PLPP2: variants seen among roughly 807,000 people sequenced by gnomAD.
PLPP2 encodes PAP2-gamma.
PLPP2 carries 29 observed loss-of-function variants against 35.2 expected under a neutral mutation model. The ratio of observed to expected loss-of-function variants is 0.82; its 90% confidence interval spans 0.61 to 1.12. The LOEUF is 1.12. PLPP2 is among the 50% of genes most tolerant of loss of function. The pLI, the probability that PLPP2 is intolerant of heterozygous loss-of-function variation, is 0.00. For missense variants in PLPP2, 353 were observed against 375.2 expected (o/e 0.94, Z 0.49); for synonymous variants, 162 against 167.0 (o/e 0.97, Z 0.23).
intron 1 of PLPP2, among the ~76,000 whole-genome samples, chr19:289,234 G>T (rs1970333898): frequency 6.6e-6 from 1 of 152,212 alleles, no homozygotes; most frequent in Non-Finnish European, 1.5e-5. Context: ...CTTTGGCCCA[G>T]CAGGGCAAGT....
In PLPP2 at chr19:291,234, G is replaced by C. The variant is rs773700477; in HGVS notation, c.52+51C>G. ...TGCAAACTTGCGCGCAGCCGGGGGCGTGTCCGTCCCGGGAGGGTCCCCCCA... is the reference window on the plus strand; with the variant it reads ...TGCAAACTTGCGCGCAGCCGGGGGCCTGTCCGTCCCGGGAGGGTCCCCCCA... On this transcript the variant is annotated intron_variant, in intron 1 of 5. Transcript: ENST00000434325. The C allele has an allele frequency of 1.4e-5, 23 of 1,594,774 alleles. No homozygotes were observed. The South Asian group carries it at 2.2e-4, about 16-fold the overall frequency.
At chr19:291,068 C>A in intron 1 of PLPP2, 1 of 1,314,148 alleles carries the variant, frequency 7.6e-7, no homozygotes, top group Non-Finnish European at 9.7e-7. Flanking sequence ...GACCCCCATC[C>A]CCCTGGGCCT....
In PLPP2 at chr19:287,654, GTCCC is replaced by G; in HGVS notation, c.298_301del (p.Gly100ProfsTer8). ...GCTCACGGCAGCCCCAAACAGGAAG[GTCCC>G]CAGCACCTTGTATACAGCAGCCACG... On this transcript the variant is annotated frameshift_variant, in exon 3 of 6. Transcript: ENST00000434325. LOFTEE classifies it high-confidence loss of function. This position sits in a 1 kb window ranked among gnomAD's most constrained non-coding sequence, Gnocchi z 4.3. 3 of 1,613,910 alleles carry G rather than the reference GTCCC, an allele frequency of 1.9e-6. No individual in the cohort carries two copies. Among genetic ancestry groups the G allele is most frequent in the Non-Finnish European group, 2.5e-6 (3 of 1,180,036 alleles).
rs764999808 is a variant in PLPP2, at chr19:287,556, C to T, written c.400G>A (p.Asp134Asn). 1.6e-5 allele frequency: 26 copies of T among 1,613,634 alleles called. No individual in the cohort carries two copies. Among genetic ancestry groups the T allele is most frequent in the South Asian group, 4.4e-5 (4 of 91,062 alleles). The change falls in exon 3 of 6, where the codon GAC (aspartate) becomes AAC (asparagine). Residue 134 changes from aspartate to asparagine, a missense_variant. Transcript: ENST00000434325. This position sits in a 1 kb window ranked among gnomAD's most constrained non-coding sequence, Gnocchi z 4.3. ...RPNFLAVCDP[D>N]WSRVNCSVYV... ...ACCGAGCAGTTGACCCGGCTCCAGTCGGGGTCGCAGACGGCTAGGAAGTTG... is the reference window on the plus strand; with the variant it reads ...ACCGAGCAGTTGACCCGGCTCCAGTTGGGGTCGCAGACGGCTAGGAAGTTG...
At chr19:289,595 C>T (rs770079881) in intron 1 of PLPP2, among the ~76,000 whole-genome samples, 5 of 152,020 alleles carry the variant, frequency 3.3e-5, no homozygotes, top group Non-Finnish European at 7.4e-5. Context: ...CCCAGCTCCT[C>T]GGGAGGCTGA....
chr19:282,611 TC>T (rs1316136535), intron 4 of PLPP2, 140 bp downstream of exon 4: 1 of 959,664 alleles, frequency 1.0e-6, no homozygotes, highest in African/African-American at 1.7e-5. Flanking sequence ...GCCCAGGGCC[TC>T]CCGTTTTTAT....
rs751152484 is a variant in PLPP2, at chr19:290,982, G to A, written c.52+303C>T. On this transcript the variant is annotated intron_variant, in intron 1 of 5. Coordinates refer to ENST00000434325, the MANE Select transcript of PLPP2 (RefSeq NM_003712.4). ...AGGCCAGGCGGGGCGGGATGGAGGC[G>A]CGCGCGCGGCCCCTCCGCACAGACT... is the stretch of plus-strand genomic sequence containing the variant. 6 of 1,249,374 alleles carry A rather than the reference G, an allele frequency of 4.8e-6. No homozygotes were observed. In the South Asian group the frequency reaches 1.7e-4, roughly 36 times the overall value. The allele number at this position is 1,249,374 out of a possible 1,614,324, so 77.4% of individuals were successfully genotyped here.
rs1000251000 is a variant in PLPP2, at chr19:281,547, C to T, written c.718-10G>A. The stretch of plus-strand genomic sequence containing the variant: ...CTGAGATGTAGCAGACCTGGTAGAG[C>T]AGAGGGTGGTGAGAATGGGCAGGGG... On this transcript the variant is annotated splice_polypyrimidine_tract_variant and intron_variant, in intron 5 of 5. Coordinates refer to ENST00000434325, the MANE Select transcript of PLPP2 (RefSeq NM_003712.4). 1.4e-6 allele frequency: 2 copies of T among 1,468,552 alleles called. No homozygotes were observed. The highest frequency in any genetic ancestry group is 1.4e-5 in the African/African-American group (1 of 70,484). The allele number at this position is 1,468,552 out of a possible 1,614,324, so 91.0% of individuals were successfully genotyped here.
chr19:288,470 T>C, intron 1 of PLPP2: 1 of 213,990 alleles, frequency 4.7e-6, no homozygotes, highest in Non-Finnish European at 9.2e-6. Context: ...TTTTTTTAAA[T>C]TTTTAAAAGT....
Position 281,419 on chromosome 19 carries a change from T to A in PLPP2, c.836A>T (p.Asn279Ile). ...GGAGGAGTGCGGGTATCCATAGTGGTTGTGGTCAGCCTCGCCCAGGGTCAA... is the reference window on the plus strand; with the variant it reads ...GGAGGAGTGCGGGTATCCATAGTGGATGTGGTCAGCCTCGCCCAGGGTCAA... ...LTLTLGEADH[N>I]HYGYPHSSS is the part of the protein sequence containing the mutation. The change falls in exon 6 of 6, where the codon AAC becomes ATC. Residue 279 changes from asparagine to isoleucine, a missense_variant. Asn to Ile is a moderately radical substitution (Grantham distance 149). Coordinates refer to ENST00000434325, the MANE Select transcript of PLPP2 (RefSeq NM_003712.4). The A allele has an allele frequency of 6.7e-7, 1 of 1,494,160 alleles. No individual in the cohort carries two copies. The highest frequency in any genetic ancestry group is 8.9e-7 in the Non-Finnish European group (1 of 1,119,052). The allele number at this position is 1,494,160 out of a possible 1,614,324, so 92.6% of individuals were successfully genotyped here.
In PLPP2 at chr19:281,255, G is replaced by A. The variant is rs753954171; in HGVS notation, c.*133C>T. ...TGCAGGGCAGGGGGCAGCGGAGCCC[G>A]CTCACTGCTCCCATCAGCCCAGGGT... On this transcript the variant is annotated 3_prime_UTR_variant, in exon 6 of 6. Coordinates refer to ENST00000434325, the MANE Select transcript of PLPP2 (RefSeq NM_003712.4). 19 of 890,134 alleles carry A rather than the reference G, an allele frequency of 2.1e-5. No individual in the cohort carries two copies. The highest frequency in any genetic ancestry group is 1.2e-4 in the African/African-American group (7 of 58,122). The allele number at this position is 890,134 out of a possible 1,614,324, so 55.1% of individuals were successfully genotyped here. A position where few individuals can be genotyped will look rare whatever the true frequency, so the allele number is the denominator to read the frequency against.
At chr19:286,953 C>G (rs1331426529) in intron 3 of PLPP2, 1 of 154,796 alleles carries the variant, frequency 6.5e-6, no homozygotes, top group African/African-American at 2.4e-5. Context: ...GAGTGAGCCT[C>G]TGTCTCAAAA....
chr19:287,856 A>T lies in PLPP2; in HGVS notation c.205-105T>A. 6.6e-7 allele frequency: 1 copy of T among 1,526,326 alleles called. No individual in the cohort carries two copies. The highest frequency in any genetic ancestry group is 8.8e-7 in the Non-Finnish European group (1 of 1,131,262). The allele number at this position is 1,526,326 out of a possible 1,614,324, so 94.5% of individuals were successfully genotyped here. A position where few individuals can be genotyped will look rare whatever the true frequency, so the allele number is the denominator to read the frequency against. On this transcript the variant is annotated intron_variant, in intron 2 of 5. Coordinates refer to ENST00000434325, the MANE Select transcript of PLPP2 (RefSeq NM_003712.4). The surrounding 1 kb of genome is among the most constrained non-coding windows in gnomAD (Gnocchi z 4.3). ...GCTGCTGGAGAGCTGGGGACTCTGA[A>T]GGGGGCCCTATTACCCACAGGTACC...
chr19:287,398 C>T lies in PLPP2; in HGVS notation c.482+76G>A. 1 of 1,532,918 alleles carries T rather than the reference C, an allele frequency of 6.5e-7. No homozygotes were observed. The allele number at this position is 1,532,918 out of a possible 1,614,324, so 95.0% of individuals were successfully genotyped here. A position where few individuals can be genotyped will look rare whatever the true frequency, so the allele number is the denominator to read the frequency against. On this transcript the variant is annotated intron_variant, in intron 3 of 5. Coordinates refer to ENST00000434325, the MANE Select transcript of PLPP2 (RefSeq NM_003712.4). This position sits in a 1 kb window ranked among gnomAD's most constrained non-coding sequence, Gnocchi z 4.3. ...GCCTGTAGTCTCAGCTGCCTGCTGG[C>T]TCTTCATGATTTGGCTCCAGGGCCT...
At chr19:290,823 A>C (rs1970375228) in intron 1 of PLPP2, 2 of 801,666 alleles carry the variant, frequency 2.5e-6, no homozygotes, top group African/African-American at 3.6e-5. Flanking sequence ...CCGCCGACGC[A>C]CCGGGTGCCA....
At chr19:290,668 G>A (rs1036571436) in intron 1 of PLPP2, among the ~76,000 whole-genome samples, 1 of 152,202 alleles carries the variant, frequency 6.6e-6, no homozygotes. Context: ...CCGCAAACCC[G>A]CCGGACAGGT....
Position 287,425 on chromosome 19 carries a change from C to A in PLPP2, c.482+49G>T. Reference sequence around the variant, plus strand: ...CTTCATGATTTGGCTCCAGGGCCTTCTTCAGCTCCCATTCCCCACAAGAGT... The same window carrying A: ...CTTCATGATTTGGCTCCAGGGCCTTATTCAGCTCCCATTCCCCACAAGAGT... On this transcript the variant is annotated intron_variant, in intron 3 of 5. Transcript: ENST00000434325. The surrounding 1 kb of genome is among the most constrained non-coding windows in gnomAD (Gnocchi z 4.3). 2 of 1,569,438 alleles carry A rather than the reference C, an allele frequency of 1.3e-6. No individual in the cohort carries two copies. Among genetic ancestry groups the A allele is most frequent in the Admixed American group, 1.7e-5 (1 of 57,716 alleles).
chr19:283,085 A>G (rs1032824867), intron 3 of PLPP2: 19 of 408,098 alleles, frequency 4.7e-5, no homozygotes, highest in African/African-American at 3.9e-4. Flanking sequence ...GCAAGCAGGC[A>G]ACACCACAGT....
chr19:288,127 T>C lies in PLPP2; in HGVS notation c.97A>G (p.Lys33Glu), dbSNP rs1032579315. ...AILTLVNAPY[K>E]RGFYCGDDSI... ...TCATCCCCGCAGTAAAATCCTCGCT[T>C]GTACGGGGCGTTCACCAGCGTCAGG... is the stretch of plus-strand genomic sequence containing the variant. The change falls in exon 2 of 6, where the codon AAG becomes GAG. Residue 33 changes from lysine to glutamate, a missense_variant. Transcript: ENST00000434325. The C allele has an allele frequency of 9.9e-6, 16 of 1,609,598 alleles. No homozygotes were observed. The highest frequency in any genetic ancestry group is 9.9e-5 in the South Asian group (9 of 90,830).
Sources: allele counts gnomAD v4.1 joint callset (sites outside exome capture counted in the v4.1 genomes callset), GRCh38; gene constraint gnomAD v4.1.1; non-coding constraint Gnocchi (gnomAD v3.1); transcripts MANE v1.5; gene names NCBI Gene and HGNC (gene_info 2026-07-23, HGNC 2026-07-21).